MORC2: variants seen among roughly 807,000 people sequenced by gnomAD.
The protein encoded by MORC2 is ATPase MORC2.
MORC2 carries 30 observed loss-of-function variants against 136.0 expected under a neutral mutation model. The ratio of observed to expected loss-of-function variants is 0.22; its 90% CI spans 0.17 to 0.30. MORC2 has a LOEUF of 0.30. Ranked by LOEUF, MORC2 falls within the 10% of genes least tolerant of loss-of-function variation. MORC2 has a pLI of 1.00. For synonymous variants in MORC2, 439 were observed against 487.0 expected (o/e 0.90, Z 1.30); for missense variants, 922 against 1,333.1 (o/e 0.69, Z 4.80).
chr22:30,934,863 T>C lies in MORC2; in HGVS notation c.2111A>G (p.Lys704Arg), dbSNP rs1286651998. Residue 704 changes from lysine (K) to arginine (R), a missense_variant, in exon 19 of 26, where the codon AAG (lysine) becomes AGG (arginine). By Grantham distance (26) the Lys-to-Arg change is conservative (BLOSUM62 2). Around this residue, in one of 9 missense-constraint regions of MORC2, gnomAD observed 184 missense variants for 180.3 expected, o/e 1.02. Coordinates refer to ENST00000397641, the MANE Select transcript of MORC2 (RefSeq NM_001303256.3). This position sits in a 1 kb window ranked among gnomAD's most constrained non-coding sequence, Gnocchi z 4.4. ...QLSPSLLPNS[K>R]SPREVPSPKV... is the part of the protein sequence containing the mutation. ...GGGAGAAGGAACCTCCCGAGGGCTC[T>C]TGGAGTTGGGCAGTAAAGATGGTGA... The C allele has an allele frequency of 2.5e-6, 4 of 1,614,022 alleles. No individual in the cohort carries two copies. The highest frequency in any genetic ancestry group is 2.7e-5 in the African/African-American group (2 of 74,898).
chr22:30,927,920 G>T, intron 25 of MORC2, 99 bp downstream of exon 25: 1 of 1,430,982 alleles, frequency 7.0e-7, no homozygotes, highest in Non-Finnish European at 9.6e-7. Context: ...ATAGATTCCT[G>T]TGAGTGGATA....
chr22:30,953,906 T>G (rs1464964907), intron 3 of MORC2, among the ~76,000 whole-genome samples: 1 of 152,192 alleles, frequency 6.6e-6, no homozygotes, highest in African/African-American at 2.4e-5. Context: ...TCAAACTACA[T>G]CTGATGTTTG....
rs772171034 is a variant in MORC2 at position 30,925,176 on chromosome 22, CAT to C, written c.*1625_*1626del. 6 of 305,444 alleles carry C rather than the reference CAT, an allele frequency of 2.0e-5. No homozygotes were observed. Among genetic ancestry groups the C allele is most frequent in the Non-Finnish European group, 3.2e-5 (5 of 155,214 alleles). The allele number at this position is 305,444 out of a possible 1,614,324, so 18.9% of individuals were successfully genotyped here. ...ACTTTATAGTATTGCGTTTCGATTA[CAT>C]GTGTGTGAATTTTAAAAACTGATTA... On this transcript the variant is annotated 3_prime_UTR_variant, in exon 26 of 26. Transcript: ENST00000397641.
At chr22:30,946,516 A>G (rs2040818038) in intron 5 of MORC2, 67 bp from the exon 6 acceptor site, 3 of 1,364,516 alleles carry the variant, frequency 2.2e-6, no homozygotes, top group Admixed American at 1.8e-5. Flanking sequence ...AAAGAAATCA[A>G]TCCACTCTGG....
In MORC2 at chr22:30,937,091, T is replaced by A; in HGVS notation, c.1499-54A>T. 7.5e-7 allele frequency: 1 copy of A among 1,336,250 alleles called. No homozygotes were observed. Among genetic ancestry groups the A allele is most frequent in the Non-Finnish European group, 1.1e-6 (1 of 933,508 alleles). 82.8% of individuals were successfully genotyped at this position (1,336,250 alleles called of 1,614,324 possible). On this transcript the variant is annotated intron_variant, in intron 15 of 25. Transcript: ENST00000397641. This position sits in a 1 kb window ranked among gnomAD's most constrained non-coding sequence, Gnocchi z 4.7. ...CAGCCACGCCCACCAACTCTATCTG[T>A]AATCCGGGTTCCTCACAGGCCCACC...
chr22:30,939,445 C>T lies in MORC2; in HGVS notation c.1073+176G>A, dbSNP rs192222230. 4.7e-4 allele frequency among the ~76,000 whole-genome samples: 72 copies of T among 152,258 alleles called. 1 individual carries two copies. In the South Asian group the frequency reaches 0.012, roughly 26 times the overall value. On this transcript the variant is annotated intron_variant, in intron 12 of 25. Coordinates refer to ENST00000397641, the MANE Select transcript of MORC2 (RefSeq NM_001303256.3). ...GCCGAGGTTGTCAGCCCTGCCCTGT[C>T]TTTATGACTCAAAAAAGGGCTGAGA...
intron 1 of MORC2, among the ~76,000 whole-genome samples, chr22:30,959,484 C>T (rs2147310964): frequency 6.6e-6 from 1 of 152,262 alleles, no homozygotes; most frequent in East Asian, 1.9e-4. Context: ...TATGAGTTTC[C>T]TTTCTTCACT....
intron 3 of MORC2, among the ~76,000 whole-genome samples, chr22:30,951,017 G>A (rs2040879058): frequency 6.6e-6 from 1 of 152,168 alleles, no homozygotes; most frequent in Non-Finnish European, 1.5e-5. Context: ...GGCATTCTGG[G>A]CTATCTGCAT....
In MORC2 at chr22:30,925,821, G is replaced by A. The variant is rs1222331451; in HGVS notation, c.*982C>T. The A allele has an allele frequency of 6.5e-6, 1 of 153,420 alleles. No individual in the cohort carries two copies. Among genetic ancestry groups the A allele is most frequent in the East Asian group, 1.9e-4 (1 of 5,198 alleles). The allele number at this position is 153,420 out of a possible 1,614,324, so 9.5% of individuals were successfully genotyped here. ...GAAGGCATGGTGTGCTTCCTGCAGA[G>A]ATGCCTCTGGAGTCCCTGTGGCCAC... is the stretch of plus-strand genomic sequence containing the variant. On this transcript the variant is annotated 3_prime_UTR_variant, in exon 26 of 26. Coordinates refer to ENST00000397641, the MANE Select transcript of MORC2 (RefSeq NM_001303256.3).
intron 6 of MORC2, among the ~76,000 whole-genome samples, chr22:30,943,311 C>CG (rs941114293): frequency 5.3e-5 from 8 of 152,256 alleles, no homozygotes; most frequent in African/African-American, 1.9e-4. Context: ...GCAGTTCCTT[C>CG]GGGGGCACAA....
chr22:30,962,951 T>C (rs2041071077), intron 1 of MORC2, among the ~76,000 whole-genome samples: 1 of 152,140 alleles, frequency 6.6e-6, no homozygotes, highest in Admixed American at 6.5e-5. Context: ...AGCTAGCATT[T>C]GGGATAGAGT....
chr22:30,944,997 G>A (rs1321852078), intron 6 of MORC2, among the ~76,000 whole-genome samples: 1 of 152,090 alleles, frequency 6.6e-6, no homozygotes, highest in Non-Finnish European at 1.5e-5. Flanking sequence ...ATTCATCAAG[G>A]CCCCGAGGTC....
In MORC2 at chr22:30,934,892, T is replaced by G. The variant is rs151033664; in HGVS notation, c.2082A>C (p.Gln694His). 2 of 1,613,936 alleles carry G rather than the reference T, an allele frequency of 1.2e-6. No individual in the cohort carries two copies. The highest frequency in any genetic ancestry group is 1.7e-6 in the Non-Finnish European group (2 of 1,180,022). ...AGTTGGGCAGTAAAGATGGTGACAG[T>G]TGCTGCACCAGAGGGGCAGGTCGGG... Reference protein sequence around the residue: ...TASRPAPLVQQLSPSLLPNSK... With the variant: ...TASRPAPLVQHLSPSLLPNSK... The change falls in exon 19 of 26, where the codon CAA becomes CAC. Residue 694 changes from glutamine (Q) to histidine (H), a missense_variant. By Grantham distance (24) the Gln-to-His change is conservative. This residue lies in a region of MORC2 where 184 missense variants were observed against 180.3 expected (regional missense o/e 1.02). Coordinates refer to ENST00000397641, the MANE Select transcript of MORC2 (RefSeq NM_001303256.3). The surrounding 1 kb of genome is among the most constrained non-coding windows in gnomAD (Gnocchi z 4.4).
chr22:30,962,665 A>C (rs184772228), intron 1 of MORC2, among the ~76,000 whole-genome samples: 1 of 151,876 alleles, frequency 6.6e-6, no homozygotes, highest in Non-Finnish European at 1.5e-5. Context: ...GCATACATAC[A>C]TATTTCAGAT....
At chr22:30,952,972 G>A (rs1205052183) in intron 3 of MORC2, among the ~76,000 whole-genome samples, 1 of 152,176 alleles carries the variant, frequency 6.6e-6, no homozygotes, top group African/African-American at 2.4e-5. Context: ...AATAGATTCT[G>A]GGCTCCCCCT....
At chr22:30,966,914 T>C (rs1243646023) in intron 1 of MORC2, among the ~76,000 whole-genome samples, 1 of 152,196 alleles carries the variant, frequency 6.6e-6, no homozygotes, top group Non-Finnish European at 1.5e-5. Context: ...ATCACAAACA[T>C]GTTGTCTTCT....
chr22:30,952,581 A>G (rs1336348578), intron 3 of MORC2, among the ~76,000 whole-genome samples: 1 of 152,220 alleles, frequency 6.6e-6, no homozygotes, highest in Non-Finnish European at 1.5e-5. Flanking sequence ...CAGCCTATAA[A>G]TGGCTAGTAG....
At position 30,941,600 on chromosome 22, in the gene MORC2, C is replaced by G; in HGVS notation, c.699-42G>C. On this transcript the variant is annotated intron_variant, in intron 8 of 25. Coordinates refer to ENST00000397641, the MANE Select transcript of MORC2 (RefSeq NM_001303256.3). The surrounding 1 kb of genome is among the most constrained non-coding windows in gnomAD (Gnocchi z 4.6). ...CAGAGAAGTGCTGTCACCTGCTCCA[C>G]AACAGGCCTGACCAAGGGCACAACA... The G allele has an allele frequency of 6.3e-7, 1 of 1,598,554 alleles. No individual in the cohort carries two copies. Among genetic ancestry groups the G allele is most frequent in the Non-Finnish European group, 8.6e-7 (1 of 1,169,150 alleles).
At chr22:30,938,655 C>T (rs555394617) in intron 12 of MORC2, among the ~76,000 whole-genome samples, 5 of 152,282 alleles carry the variant, frequency 3.3e-5, no homozygotes, top group South Asian at 4.1e-4. Flanking sequence ...CTGCAATCTC[C>T]GCACCCTGCA....
Sources: allele counts gnomAD v4.1 joint callset (sites outside exome capture counted in the v4.1 genomes callset), GRCh38; gene constraint gnomAD v4.1.1; regional missense constraint gnomAD v4.1.1; non-coding constraint Gnocchi (gnomAD v3.1); transcripts MANE v1.5; gene names NCBI Gene and HGNC (gene_info 2026-07-23, HGNC 2026-07-21).